The following PAM variants were observed in gnomAD, a reference collection of about 807,000 sequenced individuals.
PAM encodes peptidyl-glycine alpha-amidating monooxygenase.
PAM carries 72 observed loss-of-function variants against 122.1 expected under a neutral mutation model. The ratio of observed to expected loss-of-function variants is 0.59; its 90% CI spans 0.49 to 0.72. The LOEUF is 0.72. PAM is among the 30% of genes least tolerant of loss of function. PAM has a pLI of 0.00. For missense variants in PAM, 1,106 were observed against 1,183.7 expected (o/e 0.93, Z 0.96); for synonymous variants, 389 against 404.4 (o/e 0.96, Z 0.46).
At chr5:103,018,823 A>G (rs1333687138) in intron 22 of PAM, among the ~76,000 whole-genome samples, 5 of 152,180 alleles carry the variant, frequency 3.3e-5, no homozygotes, top group African/African-American at 1.2e-4. Flanking sequence ...TTTGGCATTA[A>G]GGGACCAGTT....
rs111329401 is a variant in PAM at position 102,963,710 on chromosome 5, A to G, written c.1162+2481A>G. 3.4e-3 allele frequency among the ~76,000 whole-genome samples: 513 copies of G among 151,914 alleles called. 4 individuals are homozygous for G. The highest frequency in any genetic ancestry group is 0.012 in the African/African-American group (480 of 41,526). On this transcript the variant is annotated intron_variant, in intron 14 of 25. Transcript: ENST00000438793. ...GAAAAGACTTGAACCATCGATGGAT[A>G]TGTACTCATGGACAAGCTCTATACC...
intron 4 of PAM, among the ~76,000 whole-genome samples, chr5:102,908,764 GA>G (rs1016593287): frequency 4.4e-4 from 66 of 148,358 alleles, no homozygotes; most frequent in South Asian, 8.6e-4. Flanking sequence ...CTTTGCCCTG[GA>G]AAAAAAAAAT....
intron 6 of PAM, 36 bp from the exon 7 acceptor site, chr5:102,926,549 C>A: frequency 2.6e-6 from 3 of 1,169,522 alleles, no homozygotes; most frequent in South Asian, 2.5e-5. Context: ...TTTAGATGCT[C>A]ATTTCTAATA....
chr5:102,969,847 A>T (rs1562078639), intron 14 of PAM, among the ~76,000 whole-genome samples: 1 of 152,140 alleles, frequency 6.6e-6, no homozygotes, highest in South Asian at 2.1e-4. Context: ...TGGTAGCTTA[A>T]GTTTTGTAAG....
At chr5:102,875,936 C>A (rs1190721799) in intron 3 of PAM, among the ~76,000 whole-genome samples, 1 of 152,172 alleles carries the variant, frequency 6.6e-6, no homozygotes, top group African/African-American at 2.4e-5. Context: ...TGTCTTCTGA[C>A]TTACAGAACA....
At chr5:102,954,306 A>C (rs1054879694) in intron 12 of PAM, among the ~76,000 whole-genome samples, 4 of 150,014 alleles carry the variant, frequency 2.7e-5, no homozygotes, top group African/African-American at 9.8e-5. Flanking sequence ...ACCCCCTCCC[A>C]CTCTTCCCTC....
chr5:103,013,201 A>G (rs1478387640), intron 21 of PAM, among the ~76,000 whole-genome samples: 2 of 152,196 alleles, frequency 1.3e-5, no homozygotes, highest in South Asian at 2.1e-4. Flanking sequence ...ATCCATGAAC[A>G]TGGAGTATCT....
At chr5:102,906,063 C>T (rs1438130411) in intron 4 of PAM, among the ~76,000 whole-genome samples, 6 of 151,626 alleles carry the variant, frequency 4.0e-5, no homozygotes, top group Non-Finnish European at 7.4e-5. Context: ...GTTTCTTAAA[C>T]GTCTTCTATC....
chr5:102,905,558 C>A (rs1173901144), intron 4 of PAM, among the ~76,000 whole-genome samples: 1 of 151,664 alleles, frequency 6.6e-6, no homozygotes, highest in Non-Finnish European at 1.5e-5. Flanking sequence ...TTGAGAACTG[C>A]ATGAACAATT....
At chr5:102,764,287 T>C (rs1447616119) in intron 1 of PAM, among the ~76,000 whole-genome samples, 1 of 150,036 alleles carries the variant, frequency 6.7e-6, no homozygotes, top group African/African-American at 2.4e-5. Context: ...AACATATATA[T>C]AATAAATATA....
intron 1 of PAM, among the ~76,000 whole-genome samples, chr5:102,821,351 C>T (rs1203525167): frequency 1.3e-5 from 2 of 152,094 alleles, no homozygotes; most frequent in African/African-American, 2.4e-5. Flanking sequence ...AGAACGTTCC[C>T]CACTTCAGAG....
intron 14 of PAM, among the ~76,000 whole-genome samples, chr5:102,965,566 T>G (rs892779390): frequency 6.6e-5 from 10 of 152,126 alleles, no homozygotes; most frequent in African/African-American, 2.4e-4. Context: ...TATTATGTAT[T>G]ATGCTCTAGA....
In PAM at chr5:102,866,047, G is replaced by C; in HGVS notation, c.-149G>C. Reference sequence around the variant, plus strand: ...TCGCCGCGGCCAGCTCGCTGCTCTCGCTGGCGGATGGTGTGTGGCCGCCGC... The same window carrying C: ...TCGCCGCGGCCAGCTCGCTGCTCTCCCTGGCGGATGGTGTGTGGCCGCCGC... On this transcript the variant is annotated 5_prime_UTR_variant, in exon 2 of 26. Coordinates refer to ENST00000438793, the MANE Select transcript of PAM (RefSeq NM_001177306.2). The C allele has an allele frequency of 2.1e-6, 1 of 470,190 alleles. No homozygotes were observed. Among genetic ancestry groups the C allele is most frequent in the Non-Finnish European group, 3.7e-6 (1 of 271,758 alleles). The allele number at this position is 470,190 out of a possible 1,614,324, so 29.1% of individuals were successfully genotyped here.
At chr5:102,936,821 C>A (rs1753418831) in intron 7 of PAM, among the ~76,000 whole-genome samples, 1 of 152,030 alleles carries the variant, frequency 6.6e-6, no homozygotes, top group Admixed American at 6.6e-5. Flanking sequence ...TAACAACCTG[C>A]CTCATTGATT....
intron 21 of PAM, among the ~76,000 whole-genome samples, chr5:103,011,910 C>T (rs936808841): frequency 1.3e-5 from 2 of 152,190 alleles, no homozygotes; most frequent in African/African-American, 4.8e-5. Flanking sequence ...TCTCCACATC[C>T]TCATCAGCAT....
intron 1 of PAM, among the ~76,000 whole-genome samples, chr5:102,833,111 T>C (rs138318805): frequency 6.6e-6 from 1 of 151,970 alleles, no homozygotes; most frequent in Non-Finnish European, 1.5e-5. Context: ...TAGAAATACA[T>C]AGGACAACTG....
At chr5:103,006,779 G>T in intron 18 of PAM, 22 bp from the exon 19 acceptor site, 1 of 1,564,502 alleles carries the variant, frequency 6.4e-7, no homozygotes, top group Non-Finnish European at 8.8e-7. Flanking sequence ...AGTAGGTAAG[G>T]CTTTTGTTCC....
At chr5:102,953,736 G>A (rs1238812290) in intron 12 of PAM, among the ~76,000 whole-genome samples, 3 of 152,132 alleles carry the variant, frequency 2.0e-5, no homozygotes, top group Non-Finnish European at 4.4e-5. Flanking sequence ...TGATAGGGCC[G>A]AGTACAATGG....
rs78822068 is a variant in PAM at position 102,809,800 on chromosome 5, A to C, written c.-374+54452A>C. Reference sequence around the variant, plus strand: ...AAGTGAAGGATATGTCTTATCTTAAATATCGTAATGCTTAGTCTTTGAATT... The same window carrying C: ...AAGTGAAGGATATGTCTTATCTTAACTATCGTAATGCTTAGTCTTTGAATT... On this transcript the variant is annotated intron_variant, in intron 1 of 25. Transcript: ENST00000438793. Among the ~76,000 whole-genome samples the C allele has an allele frequency of 7.3e-3, 1,109 of 152,348 alleles. 8 individuals are homozygous for C. Among genetic ancestry groups the C allele is most frequent in the African/African-American group, 0.025 (1,054 of 41,574 alleles).
Sources: gnomAD v4.1 joint callset for allele counts (sites outside exome capture counted in the v4.1 genomes callset) on GRCh38, gnomAD v4.1.1 for gene constraint, MANE v1.5 for transcripts, NCBI Gene and HGNC (gene_info 2026-07-23, HGNC 2026-07-21) for gene names.